Variants in IMMP2L observed in about 807,000 individuals in gnomAD.
IMMP2L encodes mitochondrial inner membrane protease subunit 2.
A neutral mutation model predicts 19.3 loss-of-function variants in IMMP2L; 18 were observed. That is an observed-to-expected ratio of 0.93 (90% CI 0.64 to 1.38). IMMP2L has a LOEUF of 1.38. Among genes scored for constraint, IMMP2L ranks in the 40% most tolerant of loss-of-function variants. The pLI, the probability that IMMP2L is intolerant of heterozygous loss-of-function variation, is 0.00. For synonymous variants in IMMP2L, 76 were observed against 73.0 expected, an observed-to-expected ratio of 1.04 and a Z score of -0.21; for missense variants, 233 against 218.2, an observed-to-expected ratio of 1.07 and a Z score of -0.43.
chr7:111,326,699 C>T (rs969177342), intron 3 of IMMP2L, among the ~76,000 whole-genome samples: 1 of 151,726 alleles, frequency 6.6e-6, no homozygotes, highest in African/African-American at 2.4e-5. Context: ...AAAAGAAAAA[C>T]AAGTACAGGG....
chr7:111,329,496 T>C (rs1825663939), intron 3 of IMMP2L, among the ~76,000 whole-genome samples: 1 of 151,794 alleles, frequency 6.6e-6, no homozygotes, highest in South Asian at 2.1e-4. Flanking sequence ...GGTTGAACCA[T>C]GATTTAAAAC....
intron 5 of IMMP2L, among the ~76,000 whole-genome samples, chr7:110,869,128 G>A (rs918914184): frequency 5.3e-5 from 8 of 151,988 alleles, no homozygotes; most frequent in Non-Finnish European, 8.8e-5. Context: ...TGTTCCCAGA[G>A]TTCAGGAAAA....
chr7:111,211,963 C>T (rs1006843189), intron 3 of IMMP2L, among the ~76,000 whole-genome samples: 7 of 152,126 alleles, frequency 4.6e-5, no homozygotes, highest in African/African-American at 1.7e-4. Context: ...GGCCACTGCA[C>T]TCCAGCCTGG....
chr7:111,493,895 G>C (rs1181194727), intron 2 of IMMP2L, among the ~76,000 whole-genome samples: 1 of 151,240 alleles, frequency 6.6e-6, no homozygotes, highest in Non-Finnish European at 1.5e-5. Flanking sequence ...AGCTACTCGG[G>C]AGGCTGAGGC....
At chr7:110,925,447 A>G (rs1340647364) in intron 4 of IMMP2L, among the ~76,000 whole-genome samples, 1 of 152,086 alleles carries the variant, frequency 6.6e-6, no homozygotes, top group African/African-American at 2.4e-5. Context: ...ATTTTTTTTA[A>G]TTATACTTTT....
chr7:110,968,613 C>T (rs1008382057), intron 3 of IMMP2L, among the ~76,000 whole-genome samples: 8 of 152,212 alleles, frequency 5.3e-5, no homozygotes, highest in Non-Finnish European at 8.8e-5. Context: ...GTAGAGGCTG[C>T]AGTGAGCAAT....
At chr7:110,675,407 C>T (rs1287393765) in intron 5 of IMMP2L, among the ~76,000 whole-genome samples, 3 of 152,156 alleles carry the variant, frequency 2.0e-5, no homozygotes, top group African/African-American at 7.2e-5. Flanking sequence ...TTTCTCCCCC[C>T]AAATGCAACC....
At chr7:110,882,055 C>T (rs184645952) in intron 5 of IMMP2L, among the ~76,000 whole-genome samples, 2 of 152,200 alleles carry the variant, frequency 1.3e-5, no homozygotes, top group Admixed American at 1.3e-4. Context: ...TTCCATCCTT[C>T]CTTGAGAGTG....
At chr7:110,663,983 A>G (rs1158748224) in intron 5 of IMMP2L, among the ~76,000 whole-genome samples, 1 of 152,152 alleles carries the variant, frequency 6.6e-6, no homozygotes, top group East Asian at 1.9e-4. Flanking sequence ...TTCTGTTAGT[A>G]TTTCCCTTTT....
intron 3 of IMMP2L, among the ~76,000 whole-genome samples, chr7:111,443,176 T>A (rs991885429): frequency 1.3e-5 from 2 of 151,876 alleles, no homozygotes; most frequent in African/African-American, 4.9e-5. Context: ...CCCTTCATTT[T>A]AAAAATGAGA....
chr7:110,800,154 T>C (rs1277981052), intron 5 of IMMP2L, among the ~76,000 whole-genome samples: 1 of 152,052 alleles, frequency 6.6e-6, no homozygotes, highest in Non-Finnish European at 1.5e-5. Context: ...AATTTCTAGT[T>C]TGTTGTTGCT....
intron 5 of IMMP2L, among the ~76,000 whole-genome samples, chr7:110,866,194 T>C (rs996978980): frequency 6.6e-6 from 1 of 151,924 alleles, no homozygotes; most frequent in Non-Finnish European, 1.5e-5. Context: ...TACTCTACTT[T>C]AGGAAATTTC....
intron 3 of IMMP2L, among the ~76,000 whole-genome samples, chr7:111,196,933 T>C (rs1809566353): frequency 6.6e-6 from 1 of 152,214 alleles, no homozygotes; most frequent in Non-Finnish European, 1.5e-5. Flanking sequence ...TTTCGCTGAA[T>C]AGGTATATCA....
intron 5 of IMMP2L, among the ~76,000 whole-genome samples, chr7:110,732,784 A>G (rs941812567): frequency 1.1e-4 from 17 of 151,786 alleles, no homozygotes; most frequent in Non-Finnish European, 1.5e-5. Context: ...CTCAAGCACA[A>G]TGAATTTCTT....
intron 1 of IMMP2L, among the ~76,000 whole-genome samples, chr7:111,557,206 T>C (rs534187032): frequency 1.3e-5 from 2 of 152,206 alleles, no homozygotes; most frequent in South Asian, 4.2e-4. Context: ...GCTTCCAGTC[T>C]TGCCATGACC....
At chr7:110,993,157 T>C (rs937096960) in intron 3 of IMMP2L, among the ~76,000 whole-genome samples, 3 of 152,150 alleles carry the variant, frequency 2.0e-5, no homozygotes, top group Non-Finnish European at 4.4e-5. Context: ...AAGGCTTTCC[T>C]GCCTTTCAAC....
intron 3 of IMMP2L, among the ~76,000 whole-genome samples, chr7:111,150,134 G>C (rs183508169): frequency 5.3e-5 from 8 of 152,244 alleles, no homozygotes; most frequent in African/African-American, 9.6e-5. Flanking sequence ...AAACCAAATA[G>C]AATATTATGA....
intron 3 of IMMP2L, among the ~76,000 whole-genome samples, chr7:111,016,838 AT>A (rs561591122): frequency 0.032 from 2,061 of 64,154 alleles, 56 homozygotes; most frequent in East Asian, 0.1. Flanking sequence ...TATAGTATAT[AT>A]TATATATAAT....
intron 5 of IMMP2L, among the ~76,000 whole-genome samples, chr7:110,854,967 G>A (rs1806607183): frequency 6.6e-6 from 1 of 151,930 alleles, no homozygotes; most frequent in African/African-American, 2.4e-5. Context: ...TTCTAGATGT[G>A]TCATATTCCC....
Sources: allele counts gnomAD v4.1 joint callset (sites outside exome capture counted in the v4.1 genomes callset), GRCh38; gene constraint gnomAD v4.1.1; transcripts MANE v1.5; gene names NCBI Gene and HGNC (gene_info 2026-07-23, HGNC 2026-07-21).